Variants in STARD13 observed in about 807,000 individuals in gnomAD.
The protein encoded by STARD13 is StAR related lipid transfer domain containing 13, also known as stAR-related lipid transfer protein 13.
STARD13 carries 62 observed loss-of-function variants against 106.4 expected under a neutral mutation model. The observed-to-expected ratio is 0.58, with a 90% CI of 0.48 to 0.72. The LOEUF (loss-of-function observed/expected upper bound fraction) is 0.72. Ranked by LOEUF, STARD13 falls within the 30% of genes least tolerant of loss-of-function variation. The pLI, the probability that STARD13 is intolerant of heterozygous loss-of-function variation, is 0.00. For synonymous variants in STARD13, 565 were observed against 553.0 expected, an observed-to-expected ratio of 1.02 and a Z score of -0.31; for missense variants, 1,387 against 1,424.0, an observed-to-expected ratio of 0.97 and a Z score of 0.42.
chr13:33,391,784 G>A, the STARD13 span, among the ~76,000 whole-genome samples: 9 of 152,224 alleles, frequency 5.9e-5, no homozygotes, highest in South Asian at 1.9e-3. Context: ...ATCTCTCAGT[G>A]GGACTGCCAG....
intron 12 of STARD13, among the ~76,000 whole-genome samples, chr13:33,108,697 G>A (rs1449684751): frequency 6.6e-6 from 1 of 152,210 alleles, no homozygotes; most frequent in Non-Finnish European, 1.5e-5. Context: ...CGGATGGATG[G>A]AAGGAGGGAG....
intron 1 of STARD13, among the ~76,000 whole-genome samples, chr13:33,230,729 C>A (rs946259980): frequency 6.6e-6 from 1 of 152,212 alleles, no homozygotes; most frequent in Non-Finnish European, 1.5e-5. Flanking sequence ...CATTATGACA[C>A]GTAAGGTCGG....
chr13:33,609,394 A>G, the STARD13 span, among the ~76,000 whole-genome samples: 1 of 152,112 alleles, frequency 6.6e-6, no homozygotes, highest in African/African-American at 2.4e-5. Flanking sequence ...GTACCACTTG[A>G]AACCGTCATG....
intron 1 of STARD13, among the ~76,000 whole-genome samples, chr13:33,222,097 C>T (rs374573960): frequency 2.6e-5 from 4 of 151,526 alleles, no homozygotes; most frequent in East Asian, 3.9e-4. Flanking sequence ...TGCAGTGAGC[C>T]GAGATCACAC....
chr13:33,591,686 C>A, the STARD13 span, among the ~76,000 whole-genome samples: 12 of 152,140 alleles, frequency 7.9e-5, no homozygotes. Context: ...TTTTCTGGAG[C>A]CACACATGGC....
At chr13:33,538,771 A>AT in the STARD13 span, among the ~76,000 whole-genome samples, 11,767 of 143,032 alleles carry the variant, frequency 0.082, 583 homozygotes, top group East Asian at 0.26. Context: ...AAACTATTTA[A>AT]TTTTTTTTTT....
At chr13:33,367,259 A>G in the STARD13 span, among the ~76,000 whole-genome samples, 2 of 152,262 alleles carry the variant, frequency 1.3e-5, no homozygotes, top group African/African-American at 4.8e-5. Flanking sequence ...ACATAAAAAA[A>G]GAATGTTTCC....
At chr13:33,557,956 G>A in the STARD13 span, among the ~76,000 whole-genome samples, 1 of 152,146 alleles carries the variant, frequency 6.6e-6, no homozygotes, top group Non-Finnish European at 1.5e-5. Flanking sequence ...ACATTCTCAA[G>A]GGCAATGACA....
the STARD13 span, among the ~76,000 whole-genome samples, chr13:33,420,780 A>G: frequency 6.6e-6 from 1 of 152,244 alleles, no homozygotes; most frequent in Non-Finnish European, 1.5e-5. Flanking sequence ...CAATTAAATT[A>G]GAACTCAGGA....
Position 33,112,517 on chromosome 13 carries a change from A to G in STARD13, c.2492+204T>C, listed in dbSNP as rs141600346. Reference sequence around the variant, plus strand: ...CCATCTATTTATCATCTATCTATTTAGCTGTCATCTATCATCTATGTATCA... The same window carrying G: ...CCATCTATTTATCATCTATCTATTTGGCTGTCATCTATCATCTATGTATCA... On this transcript the variant is annotated intron_variant, in intron 9 of 13. Transcript: ENST00000336934. Among the ~76,000 whole-genome samples, 279 of 152,254 alleles carry G rather than the reference A, an allele frequency of 1.8e-3. 2 individuals are homozygous for G. Among genetic ancestry groups the G allele is most frequent in the Middle Eastern group, 6.8e-3 (2 of 294 alleles).
chr13:33,185,088 C>A (rs184976473), intron 1 of STARD13, among the ~76,000 whole-genome samples: 1 of 152,306 alleles, frequency 6.6e-6, no homozygotes, highest in East Asian at 1.9e-4. Flanking sequence ...ATCTCATTTT[C>A]AGAGAGATGA....
the STARD13 span, among the ~76,000 whole-genome samples, chr13:33,560,148 T>G: frequency 6.6e-6 from 1 of 151,530 alleles, no homozygotes; most frequent in African/African-American, 2.4e-5. Context: ...TAAGGATGGT[T>G]TGTATTTTTT....
At chr13:33,126,911 A>G (rs1450442421) in intron 6 of STARD13, among the ~76,000 whole-genome samples, 1 of 152,192 alleles carries the variant, frequency 6.6e-6, no homozygotes, top group African/African-American at 2.4e-5. Flanking sequence ...TACAAGGTTT[A>G]CTGCATATTC....
the STARD13 span, among the ~76,000 whole-genome samples, chr13:33,672,999 A>G: frequency 6.6e-6 from 1 of 152,238 alleles, no homozygotes; most frequent in African/African-American, 2.4e-5. Context: ...CAATTTAAGC[A>G]TATGCATAAG....
At chr13:33,593,963 G>A in the STARD13 span, among the ~76,000 whole-genome samples, 5 of 152,078 alleles carry the variant, frequency 3.3e-5, no homozygotes, top group African/African-American at 1.2e-4. Context: ...CTGGAGTGCA[G>A]TGACGCGATC....
the STARD13 span, among the ~76,000 whole-genome samples, chr13:33,395,476 T>C: frequency 6.6e-6 from 1 of 152,236 alleles, no homozygotes; most frequent in South Asian, 2.1e-4. Context: ...ACCATTGTTG[T>C]AGTGGAAATA....
At chr13:33,565,116 T>C in the STARD13 span, among the ~76,000 whole-genome samples, 2 of 146,676 alleles carry the variant, frequency 1.4e-5, no homozygotes, top group African/African-American at 5.0e-5. Flanking sequence ...TTTAGTGAAA[T>C]GGGCACAAAA....
chr13:33,206,815 G>A (rs574460912), intron 1 of STARD13, among the ~76,000 whole-genome samples: 2 of 152,280 alleles, frequency 1.3e-5, no homozygotes, highest in Admixed American at 6.5e-5. Flanking sequence ...GAGGCCACAC[G>A]TTTACCATGA....
At chr13:33,394,556 T>C in the STARD13 span, among the ~76,000 whole-genome samples, 12 of 152,162 alleles carry the variant, frequency 7.9e-5, no homozygotes, top group Non-Finnish European at 1.6e-4. Flanking sequence ...AGTCACATTA[T>C]CTATGTAATT....
Sources: allele counts gnomAD v4.1 joint callset (sites outside exome capture counted in the v4.1 genomes callset), GRCh38; gene constraint gnomAD v4.1.1; transcripts MANE v1.5; gene names NCBI Gene and HGNC (gene_info 2026-07-23, HGNC 2026-07-21).